The following ZSCAN18 variants were observed in gnomAD, a reference collection of about 807,000 sequenced individuals.
ZSCAN18 encodes the protein zinc finger and SCAN domain containing 18, also known as zinc finger and SCAN domain-containing protein 18.
Under a neutral mutation model 31.1 loss-of-function variants are expected in ZSCAN18, and 16 were observed. The observed-to-expected ratio is 0.51, with a 90% confidence interval of 0.35 to 0.78. The LOEUF (loss-of-function observed/expected upper bound fraction) is 0.78. ZSCAN18 is among the 30% of genes least tolerant of loss of function. ZSCAN18 has a pLI of 0.01. For synonymous variants in ZSCAN18, 375 were observed against 320.7 expected (o/e 1.17, Z -1.81); for missense variants, 731 against 697.4 (o/e 1.05, Z -0.54).
rs779540066 is a variant in ZSCAN18, at chr19:58,085,007, T to C, written c.1211A>G (p.Glu404Gly). Residue 404 changes from glutamate to glycine, a missense_variant, in exon 7 of 7, where the codon GAG becomes GGG. By Grantham distance (98) the Glu-to-Gly change is moderately conservative (BLOSUM62 -2). This residue lies in a region of ZSCAN18 where 597 missense variants were observed against 499.5 expected (regional missense o/e 1.20). Coordinates refer to ENST00000601144, the MANE Select transcript of ZSCAN18 (RefSeq NM_001145543.2). ...LEAGQGPGAD[E>G]PGLSRGKPYA... ...GGGCTTCCCGCGGGACAAGCCCGGCTCGTCAGCCCCAGGGCCCTGCCCGGC... is the reference window on the plus strand; with the variant it reads ...GGGCTTCCCGCGGGACAAGCCCGGCCCGTCAGCCCCAGGGCCCTGCCCGGC... The C allele has an allele frequency of 2.5e-6, 4 of 1,593,090 alleles. No homozygotes were observed. The highest frequency in any genetic ancestry group is 1.7e-6 in the Non-Finnish European group (2 of 1,170,104).
At position 58,086,284 on chromosome 19, in the gene ZSCAN18, C is replaced by T; in HGVS notation, c.746-18G>A. The T allele has an allele frequency of 6.2e-7, 1 of 1,611,798 alleles. No homozygotes were observed. The highest frequency in any genetic ancestry group is 8.5e-7 in the Non-Finnish European group (1 of 1,178,378). On this transcript the variant is annotated intron_variant, in intron 5 of 6. Transcript: ENST00000601144. Reference sequence around the variant, plus strand: ...CTGATACCCTGAGTGGGGTTAAAAACCAAAGAAATAAAAGGCATCAACACA... The same window carrying T: ...CTGATACCCTGAGTGGGGTTAAAAATCAAAGAAATAAAAGGCATCAACACA...
At chr19:58,114,677 AATAT>A (rs888323090) in intron 1 of ZSCAN18, among the ~76,000 whole-genome samples, 1 of 152,228 alleles carries the variant, frequency 6.6e-6, no homozygotes, top group Non-Finnish European at 1.5e-5. Context: ...TACATTAATA[AATAT>A]ATAGTGTGTT....
chr19:58,108,757 T>C (rs1240824749), intron 1 of ZSCAN18: 2 of 985,568 alleles, frequency 2.0e-6, no homozygotes, highest in African/African-American at 3.5e-5. Flanking sequence ...TTCTCCTTTG[T>C]GTTGTTCCTT....
At chr19:58,092,642 GC>G (rs1236357875) in intron 1 of ZSCAN18, 1 of 950,234 alleles carries the variant, frequency 1.1e-6, no homozygotes, top group Non-Finnish European at 1.3e-6. Flanking sequence ...TCTCTCTGTG[GC>G]TACCAGAGTT....
At chr19:58,112,174 A>G (rs1457732922) in intron 1 of ZSCAN18, among the ~76,000 whole-genome samples, 1 of 152,174 alleles carries the variant, frequency 6.6e-6, no homozygotes, top group African/African-American at 2.4e-5. Context: ...AGCTGGGACT[A>G]CATGCACAAG....
In ZSCAN18 at chr19:58,088,950, C is replaced by T. The variant is rs544693588; in HGVS notation, c.404-113G>A. On this transcript the variant is annotated intron_variant, in intron 2 of 6. Transcript: ENST00000601144. ...CTCCAGGGCCACATCACTACCCATC[C>T]TGCACCTCATCTTGGACCAGGAGAC... 8.2e-6 allele frequency: 8 copies of T among 979,752 alleles called. No individual in the cohort carries two copies. In the South Asian group the frequency reaches 1.1e-4, roughly 13 times the overall value. 60.7% of individuals were successfully genotyped at this position (979,752 alleles called of 1,614,324 possible).
chr19:58,102,526 C>G (rs180741360), upstream of ZSCAN18, among the ~76,000 whole-genome samples: 105 of 152,278 alleles, frequency 6.9e-4, 3 homozygotes, highest in East Asian at 0.016. Context: ...GGCTTCCCCC[C>G]ACATTATGAA....
chr19:58,096,880 C>T (rs954985467), intron 1 of ZSCAN18, among the ~76,000 whole-genome samples: 2 of 152,180 alleles, frequency 1.3e-5, no homozygotes, highest in African/African-American at 4.8e-5. Flanking sequence ...CACATCTCAG[C>T]TGCCTTTTGT....
At chr19:58,114,908 A>C (rs2074717728) in intron 1 of ZSCAN18, among the ~76,000 whole-genome samples, 1 of 152,220 alleles carries the variant, frequency 6.6e-6, no homozygotes, top group African/African-American at 2.4e-5. Flanking sequence ...TGAACTTATA[A>C]CAGGTTTCTC....
chr19:58,087,187 G>T, intron 4 of ZSCAN18, 129 bp downstream of exon 4: 1 of 1,099,712 alleles, frequency 9.1e-7, no homozygotes, highest in Non-Finnish European at 1.3e-6. Context: ...GCTCCCACCA[G>T]GGTGGGTTCT....
intron 1 of ZSCAN18, among the ~76,000 whole-genome samples, chr19:58,106,229 C>T (rs2074633243): frequency 6.6e-6 from 1 of 151,914 alleles, no homozygotes; most frequent in Non-Finnish European, 1.5e-5. Flanking sequence ...TGGTGAGATG[C>T]CGTCTCTACA....
intron 6 of ZSCAN18, 162 bp from the exon 7 acceptor site, chr19:58,085,541 C>T (rs2074261046): frequency 7.8e-6 from 5 of 640,862 alleles, no homozygotes; most frequent in Non-Finnish European, 2.6e-6. Context: ...CCCAGGCAGC[C>T]CTGCAGCGCA....
Position 58,087,290 on chromosome 19 carries a change from T to TCACCCACCTGCTCGTGCC in ZSCAN18, c.642+8_642+25dup, listed in dbSNP as rs558827122. ...GCCTCTAAGCTGAGGCCAAGGCCCCTCACCCACCTGCTCGTGCCCACCCAC... is the reference window on the plus strand; with the variant it reads ...GCCTCTAAGCTGAGGCCAAGGCCCCTCACCCACCTGCTCGTGCCCACCCACCTGCTCGTGCCCACCCAC... On this transcript the variant is annotated intron_variant, in intron 4 of 6. Coordinates refer to ENST00000601144, the MANE Select transcript of ZSCAN18 (RefSeq NM_001145543.2). 3.0e-5 allele frequency: 48 copies of TCACCCACCTGCTCGTGCC among 1,581,902 alleles called. No individual in the cohort carries two copies. The Middle Eastern group carries it at 8.3e-4, about 27-fold the overall frequency.
At chr19:58,109,187 C>T in intron 1 of ZSCAN18, 1 of 1,231,518 alleles carries the variant, frequency 8.1e-7, no homozygotes, top group Non-Finnish European at 1.0e-6. Flanking sequence ...CAGACCTCTC[C>T]TAATGCAGAT....
At chr19:58,105,972 C>A (rs1044092274) in intron 1 of ZSCAN18, among the ~76,000 whole-genome samples, 1 of 151,778 alleles carries the variant, frequency 6.6e-6, no homozygotes, top group African/African-American at 2.4e-5. Flanking sequence ...GAGTGAGAAT[C>A]CTTATCAAAA....
intron 1 of ZSCAN18, among the ~76,000 whole-genome samples, chr19:58,109,677 A>T (rs879767256): frequency 6.6e-6 from 1 of 152,208 alleles, no homozygotes; most frequent in South Asian, 2.1e-4. Context: ...ATATACTGAA[A>T]GTGCACAGTA....
At chr19:58,089,409 C>T (rs1009764218) in intron 2 of ZSCAN18, among the ~76,000 whole-genome samples, 5 of 149,520 alleles carry the variant, frequency 3.3e-5, no homozygotes, top group East Asian at 2.0e-4. Context: ...GGGCAGATCA[C>T]GAGGTCAGGA....
upstream of ZSCAN18, among the ~76,000 whole-genome samples, chr19:58,101,054 T>C (rs1309740351): frequency 1.3e-5 from 2 of 152,074 alleles, no homozygotes; most frequent in Non-Finnish European, 2.9e-5. Context: ...CACTGATCTA[T>C]GTGTCTGCCA....
At chr19:58,104,923 G>C (rs1267917547) in intron 1 of ZSCAN18, among the ~76,000 whole-genome samples, 1 of 152,188 alleles carries the variant, frequency 6.6e-6, no homozygotes, top group Non-Finnish European at 1.5e-5. Context: ...AAAGAAAACA[G>C]CCTTCTGTTG....
Sources: gnomAD v4.1 joint callset for allele counts (sites outside exome capture counted in the v4.1 genomes callset) on GRCh38, gnomAD v4.1.1 for gene constraint, gnomAD v4.1.1 regional missense constraint, MANE v1.5 for transcripts, NCBI Gene and HGNC (gene_info 2026-07-23, HGNC 2026-07-21) for gene names.